Variants in CHEK1 observed in about 807,000 individuals in gnomAD.
CHEK1 encodes serine/threonine-protein kinase Chk1.
Under a neutral mutation model 60.2 loss-of-function variants are expected in CHEK1, and 32 were observed. The ratio of observed to expected loss-of-function variants is 0.53; its 90% confidence interval spans 0.40 to 0.71. CHEK1 has a LOEUF of 0.71. Among genes scored for constraint, CHEK1 ranks in the 30% least tolerant of loss-of-function variants. CHEK1 has a pLI of 0.00. For missense variants in CHEK1, 399 were observed against 564.6 expected, an observed-to-expected ratio of 0.71 and a Z score of 2.97; for synonymous variants, 179 against 187.2, an observed-to-expected ratio of 0.96 and a Z score of 0.36.
intron 7 of CHEK1, chr11:125,635,942 A>T (rs1941057160): frequency 6.5e-6 from 1 of 154,146 alleles, no homozygotes; most frequent in Non-Finnish European, 1.4e-5. Context: ...AGTATAGCTT[A>T]CTATAAATCT....
intron 13 of CHEK1, chr11:125,672,700 T>G (rs752068303): frequency 3.7e-6 from 6 of 1,613,926 alleles, no homozygotes; most frequent in Non-Finnish European, 5.1e-6. Flanking sequence ...CCTTGAACCA[T>G]GAATTGGAGT....
At chr11:125,627,556 A>G in intron 2 of CHEK1, 51 bp from the exon 3 acceptor site, 1 of 1,460,714 alleles carries the variant, frequency 6.8e-7, no homozygotes, top group Non-Finnish European at 9.3e-7. Flanking sequence ...AATCTTTGGA[A>G]GTTTTAGAAG....
chr11:125,636,006 A>C (rs896797578), intron 7 of CHEK1: 2 of 152,442 alleles, frequency 1.3e-5, no homozygotes, highest in Admixed American at 6.5e-5. Context: ...ACAGCATGTT[A>C]CTATACTGAG....
chr11:125,644,413 G>A, intron 10 of CHEK1, 99 bp from the exon 11 acceptor site: 4 of 1,484,052 alleles, frequency 2.7e-6, no homozygotes, highest in African/African-American at 2.8e-5. Flanking sequence ...GAGGAGGGAG[G>A]CCTTCATGCA....
intron 8 of CHEK1, among the ~76,000 whole-genome samples, chr11:125,639,742 A>G (rs1160472592): frequency 6.6e-6 from 1 of 152,112 alleles, no homozygotes; most frequent in Admixed American, 6.5e-5. Context: ...TCACTGGGAA[A>G]TGAAAGCCAC....
intron 8 of CHEK1, among the ~76,000 whole-genome samples, chr11:125,641,420 A>G (rs991688312): frequency 1.4e-4 from 21 of 152,038 alleles, no homozygotes; most frequent in African/African-American, 2.4e-4. Flanking sequence ...CACTCACTCC[A>G]TTAGTGATAT....
chr11:125,662,302 C>A (rs1338271010), intron 13 of CHEK1, among the ~76,000 whole-genome samples: 1 of 152,172 alleles, frequency 6.6e-6, no homozygotes, highest in Non-Finnish European at 1.5e-5. Flanking sequence ...GTGGAAGGGG[C>A]AAAGCAGCTC....
chr11:125,668,813 T>C (rs1265525250), intron 13 of CHEK1, among the ~76,000 whole-genome samples: 2 of 152,146 alleles, frequency 1.3e-5, no homozygotes, highest in Non-Finnish European at 2.9e-5. Context: ...CATGTCAGCC[T>C]CCTAAAGTTC....
chr11:125,648,474 C>T (rs1298015135), intron 11 of CHEK1, among the ~76,000 whole-genome samples: 2 of 151,554 alleles, frequency 1.3e-5, no homozygotes, highest in African/African-American at 2.4e-5. Flanking sequence ...CCCAGCTACT[C>T]GGGAGGCTGA....
chr11:125,648,767 C>T (rs1335574420), intron 11 of CHEK1, among the ~76,000 whole-genome samples: 2 of 151,630 alleles, frequency 1.3e-5, no homozygotes, highest in Middle Eastern at 3.2e-3. Context: ...AGTTTCGAGT[C>T]TTTCAGCATT....
At chr11:125,661,895 T>C (rs190171276), downstream of CHEK1, among the ~76,000 whole-genome samples, 282 of 152,368 alleles carry the variant, frequency 1.9e-3, no homozygotes, top group Non-Finnish European at 3.4e-3. Context: ...GAGTTAATAC[T>C]GAGACATCCT....
At chr11:125,661,603 C>T (rs73616048), downstream of CHEK1, among the ~76,000 whole-genome samples, 705 of 152,214 alleles carry the variant, frequency 4.6e-3, 7 homozygotes, top group African/African-American at 0.016. Context: ...TGAGCCACCG[C>T]GCCCAACCTT....
At chr11:125,663,352 A>G (rs1942050370) in intron 13 of CHEK1, among the ~76,000 whole-genome samples, 1 of 152,146 alleles carries the variant, frequency 6.6e-6, no homozygotes, top group Non-Finnish European at 1.5e-5. Context: ...AGACTGAAGC[A>G]TTTCAAATTA....
At chr11:125,650,478 C>T (rs1296430107) in intron 11 of CHEK1, among the ~76,000 whole-genome samples, 10 of 97,394 alleles carry the variant, frequency 1.0e-4, no homozygotes, top group Admixed American at 4.0e-4. Context: ...TTTTTTGAGA[C>T]GGAGCTTTGC....
chr11:125,666,057 G>A (rs778532279), intron 13 of CHEK1, among the ~76,000 whole-genome samples: 3 of 149,726 alleles, frequency 2.0e-5, no homozygotes, highest in African/African-American at 4.9e-5. Context: ...AAAAAATTTG[G>A]TTCTTTGTTT....
At chr11:125,632,929 G>A (rs996380748) in intron 5 of CHEK1, among the ~76,000 whole-genome samples, 4 of 152,068 alleles carry the variant, frequency 2.6e-5, no homozygotes, top group African/African-American at 9.7e-5. Context: ...TCTGTGTGTT[G>A]ATAATACTTC....
chr11:125,670,036 T>C (rs1942173853), intron 13 of CHEK1, among the ~76,000 whole-genome samples: 1 of 152,246 alleles, frequency 6.6e-6, no homozygotes, highest in Non-Finnish European at 1.5e-5. Flanking sequence ...TTTTAATTCT[T>C]TTCCTGTGTT....
intron 11 of CHEK1, among the ~76,000 whole-genome samples, chr11:125,651,021 A>T (rs1344264608): frequency 6.6e-6 from 1 of 152,074 alleles, no homozygotes; most frequent in Non-Finnish European, 1.5e-5. Context: ...TTTCCTAAGC[A>T]TATGTACTGC....
chr11:125,667,042 G>A (rs142493412), intron 13 of CHEK1, among the ~76,000 whole-genome samples: 40 of 151,106 alleles, frequency 2.6e-4, no homozygotes, highest in African/African-American at 8.8e-4. Context: ...TACACATGCC[G>A]GTTTATTACA....
Sources: gnomAD v4.1 joint callset for allele counts (sites outside exome capture counted in the v4.1 genomes callset) on GRCh38, gnomAD v4.1.1 for gene constraint, MANE v1.5 for transcripts, NCBI Gene and HGNC (gene_info 2026-07-23, HGNC 2026-07-21) for gene names.